The following F8 variants were observed in gnomAD, a reference collection of about 807,000 sequenced individuals.
F8 encodes the protein antihemophilic factor.
F8 carries 12 observed loss-of-function variants against 140.6 expected under a neutral mutation model. That is an observed-to-expected ratio of 0.09 (90% CI 0.05 to 0.14). The LOEUF is 0.14. F8 is among the 10% of genes least tolerant of loss of function. The pLI is 1.00. For missense variants in F8, 1,354 were observed against 1,720.7 expected (o/e 0.79, Z 3.77); for synonymous variants, 585 against 614.6 (o/e 0.95, Z 0.71).
chrX:154,961,270 A>T, intron 9 of F8, 102 bp from the exon 10 acceptor site: 1 of 516,684 alleles, frequency 1.9e-6, no homozygotes, highest in Non-Finnish European at 3.4e-6. Context: ...CTCTATCTAC[A>T]TTATAGTAAT....
intron 6 of F8, among the ~76,000 whole-genome samples, chrX:154,979,322 C>T (rs782655752): frequency 5.7e-4 from 63 of 111,203 alleles, no homozygotes; most frequent in African/African-American, 2.0e-3. Flanking sequence ...CCTCAGACCC[C>T]AGGAGGTGCT....
chrX:154,876,683 G>A (rs1268456228), intron 22 of F8, among the ~76,000 whole-genome samples: 1 of 110,980 alleles, frequency 9.0e-6, no homozygotes, highest in Non-Finnish European at 1.9e-5. Flanking sequence ...TCTATTTATG[G>A]CCTTTAGATT....
intron 6 of F8, among the ~76,000 whole-genome samples, chrX:154,975,939 A>G (rs1255911553): frequency 1.8e-5 from 2 of 111,759 alleles, no homozygotes; most frequent in African/African-American, 6.5e-5. Flanking sequence ...CTGTGTGCCC[A>G]GGCTGGAGTG....
At chrX:154,926,880 CA>C (rs1232860462) in intron 14 of F8, among the ~76,000 whole-genome samples, 1 of 111,741 alleles carries the variant, frequency 8.9e-6, no homozygotes, top group Non-Finnish European at 1.9e-5. Flanking sequence ...TGAGGCTAAA[CA>C]ATGTCGTCAC....
intron 14 of F8, chrX:154,919,516 G>C (rs2073118147): frequency 3.6e-6 from 2 of 547,986 alleles, no homozygotes. Flanking sequence ...TGGTCCTCAG[G>C]GCAAGGAGGA....
intron 12 of F8, among the ~76,000 whole-genome samples, chrX:154,952,555 T>C (rs1192609095): frequency 9.2e-6 from 1 of 108,982 alleles, no homozygotes; most frequent in Non-Finnish European, 1.9e-5. Flanking sequence ...TTTTTTTTTT[T>C]TTTTTTGAAA....
chrX:155,004,489 G>A (rs2073666276), intron 1 of F8, among the ~76,000 whole-genome samples: 1 of 111,823 alleles, frequency 8.9e-6, no homozygotes, highest in Non-Finnish European at 1.9e-5. Flanking sequence ...TGCTGTTGGT[G>A]CCCCAATTCT....
intron 20 of F8, among the ~76,000 whole-genome samples, chrX:154,900,683 T>C (rs2073005109): frequency 8.9e-6 from 1 of 112,249 alleles, no homozygotes; most frequent in African/African-American, 3.2e-5. Flanking sequence ...CGCCTCCTTT[T>C]CAAGAGGATT....
At chrX:154,953,596 C>T (rs2073348515) in intron 12 of F8, among the ~76,000 whole-genome samples, 1 of 111,072 alleles carries the variant, frequency 9.0e-6, no homozygotes, top group African/African-American at 3.3e-5. Flanking sequence ...GAAAATATGT[C>T]TTAAAATATG....
At chrX:154,864,619 A>G (rs1243226666) in intron 22 of F8, among the ~76,000 whole-genome samples, 3 of 112,611 alleles carry the variant, frequency 2.7e-5, no homozygotes, top group East Asian at 2.8e-4. Flanking sequence ...AGTTTAATAA[A>G]GAAATAAAAA....
chrX:154,912,000 T>G (rs2073071033), intron 14 of F8, among the ~76,000 whole-genome samples: 1 of 112,565 alleles, frequency 8.9e-6, no homozygotes, highest in Non-Finnish European at 1.9e-5. Flanking sequence ...GTATGTTTTC[T>G]TTTGAGAAAT....
chrX:155,019,022 C>A lies in F8; in HGVS notation c.143+3388G>T, dbSNP rs782799778. Among the ~76,000 whole-genome samples the A allele has an allele frequency of 3.6e-5, 4 of 111,932 alleles. No individual in the cohort carries two copies. In the South Asian group the frequency reaches 1.1e-3, roughly 31 times the overall value. ...TAGTCTAAAGAAATAGTACATAGAA[C>A]CCACTAATGATCAAATTCCATGAAT... is the stretch of plus-strand genomic sequence containing the variant. On this transcript the variant is annotated intron_variant, in intron 1 of 25. Coordinates refer to ENST00000360256, the MANE Select transcript of F8 (RefSeq NM_000132.4).
chrX:154,845,548 C>T (rs1381179002), intron 25 of F8, among the ~76,000 whole-genome samples: 1 of 111,966 alleles, frequency 8.9e-6, no homozygotes, highest in East Asian at 2.8e-4. Context: ...GGAATTTATC[C>T]ATTTCTTCTA....
At chrX:154,919,484 C>A in intron 14 of F8, 1 of 281,452 alleles carries the variant, frequency 3.6e-6, no homozygotes. Context: ...CAAAAGTGTC[C>A]ATCATACAAT....
chrX:154,950,784 T>A (rs1406904251), intron 12 of F8, among the ~76,000 whole-genome samples: 1 of 112,154 alleles, frequency 8.9e-6, no homozygotes, highest in Non-Finnish European at 1.9e-5. Context: ...GAATATATCA[T>A]CCCACCCTCT....
At position 154,947,762 on chromosome X, in the gene F8, A is replaced by C; in HGVS notation, c.2049T>G (p.Tyr683Ter). 1 of 1,211,220 alleles carries C rather than the reference A, an allele frequency of 8.3e-7. No homozygotes were observed. The highest frequency in any genetic ancestry group is 1.1e-6 in the Non-Finnish European group (1 of 894,901). The change falls in exon 13 of 26, where the codon TAT (tyrosine) becomes TAG (stop). Residue 683 changes from tyrosine (Y) to a stop codon, truncating the protein, a stop_gained. Transcript: ENST00000360256. LOFTEE classifies it high-confidence loss of function. ...SGYTFKHKMV[Y>*]EDTLTLFPFS... ...ATGGGAATAGGGTGAGTGTGTCTTC[A>C]TAGACCATTTTGTGTTTGAAGGTAT... is the stretch of plus-strand genomic sequence containing the variant.
At chrX:154,954,116 T>C in intron 11 of F8, 74 bp from the exon 12 acceptor site, 2 of 1,000,569 alleles carry the variant, frequency 2.0e-6, no homozygotes, top group Non-Finnish European at 2.8e-6. Flanking sequence ...CAGTCTATGA[T>C]GAAAGCGATG....
chrX:154,900,822 A>T (rs1298551493), intron 20 of F8, among the ~76,000 whole-genome samples: 2 of 112,178 alleles, frequency 1.8e-5, no homozygotes, highest in East Asian at 5.5e-4. Context: ...GCCATAGATG[A>T]TATGTAAATT....
intron 14 of F8, chrX:154,919,723 T>C: frequency 2.8e-6 from 1 of 354,575 alleles, no homozygotes; most frequent in East Asian, 6.3e-5. Context: ...CAGGGCTCTC[T>C]ATTACTGAAG....
Sources: gnomAD v4.1 joint callset for allele counts (sites outside exome capture counted in the v4.1 genomes callset) on GRCh38, gnomAD v4.1.1 for gene constraint, MANE v1.5 for transcripts, NCBI Gene and HGNC (gene_info 2026-07-23, HGNC 2026-07-21) for gene names.